Variants in CACNA2D2 observed in about 807,000 individuals in gnomAD.
The protein encoded by CACNA2D2 is voltage-dependent calcium channel subunit alpha-2/delta-2.
Under a neutral mutation model 166.4 loss-of-function variants are expected in CACNA2D2, and 48 were observed. The ratio of observed to expected loss-of-function variants is 0.29; its 90% CI spans 0.23 to 0.37. The LOEUF is 0.37. Among genes scored for constraint, CACNA2D2 ranks in the 10% least tolerant of loss-of-function variants. The pLI, the probability that CACNA2D2 is intolerant of heterozygous loss-of-function variation, is 1.00. For synonymous variants in CACNA2D2, 561 were observed against 573.7 expected (o/e 0.98, Z 0.32); for missense variants, 1,122 against 1,433.0 (o/e 0.78, Z 3.50).
At chr3:50,398,979 T>C (rs560391660) in intron 3 of CACNA2D2, among the ~76,000 whole-genome samples, 1 of 152,318 alleles carries the variant, frequency 6.6e-6, no homozygotes, top group Non-Finnish European at 1.5e-5. Context: ...CAGCTTTCAA[T>C]TGCAGTGGGA....
At chr3:50,495,236 G>A (rs536797332) in intron 1 of CACNA2D2, among the ~76,000 whole-genome samples, 1 of 152,196 alleles carries the variant, frequency 6.6e-6, no homozygotes, top group Non-Finnish European at 1.5e-5. Context: ...AGGGACGCAT[G>A]CAAAGCCCAT....
chr3:50,376,418 G>GCTGCT lies in CACNA2D2; in HGVS notation c.1627-235_1627-231dup, dbSNP rs1316937715. Among the ~76,000 whole-genome samples the GCTGCT allele has an allele frequency of 2.6e-5, 4 of 152,178 alleles. No individual in the cohort carries two copies. Among genetic ancestry groups the GCTGCT allele is most frequent in the Non-Finnish European group, 5.9e-5 (4 of 68,014 alleles). On this transcript the variant is annotated intron_variant, in intron 17 of 37. Coordinates refer to ENST00000424201, the MANE Select transcript of CACNA2D2 (RefSeq NM_006030.4). The surrounding 1 kb of genome is among the most constrained non-coding windows in gnomAD (Gnocchi z 4.3). ...GCCAAGGCTAACCGGCGTGTGGGCT[G>GCTGCT]CTGCTCTGCAGTCCTCATCCTCTCC...
intron 1 of CACNA2D2, among the ~76,000 whole-genome samples, chr3:50,490,980 TG>T (rs1470124592): frequency 1.3e-5 from 2 of 152,136 alleles, no homozygotes; most frequent in Middle Eastern, 3.2e-3. Context: ...GGGTCCTGCC[TG>T]GGGTTGGCAG....
At chr3:50,487,096 G>A (rs1042877378) in intron 1 of CACNA2D2, among the ~76,000 whole-genome samples, 2 of 152,240 alleles carry the variant, frequency 1.3e-5, no homozygotes, top group African/African-American at 4.8e-5. Flanking sequence ...TGGAAATGGT[G>A]CAACTTGCCC....
chr3:50,482,271 T>C (rs1431873719), intron 1 of CACNA2D2, among the ~76,000 whole-genome samples: 1 of 152,136 alleles, frequency 6.6e-6, no homozygotes, highest in East Asian at 1.9e-4. Flanking sequence ...AGTTCAAGGG[T>C]GCACTCCAGG....
chr3:50,500,723 G>A (rs1419497665), intron 1 of CACNA2D2, among the ~76,000 whole-genome samples: 3 of 151,838 alleles, frequency 2.0e-5, no homozygotes, highest in African/African-American at 7.3e-5. Context: ...TCTGATCCAG[G>A]TCCAGGTAAG....
chr3:50,434,099 A>G (rs1288761083), intron 3 of CACNA2D2, among the ~76,000 whole-genome samples: 1 of 152,130 alleles, frequency 6.6e-6, no homozygotes, highest in East Asian at 1.9e-4. Flanking sequence ...CAAGACTCCA[A>G]GTCACCACCT....
chr3:50,381,162 T>C (rs1231429929), intron 6 of CACNA2D2, 36 bp from the exon 7 acceptor site: 5 of 1,610,792 alleles, frequency 3.1e-6, no homozygotes. Flanking sequence ...GGGGAGCACC[T>C]GGGCTGTGTC....
intron 3 of CACNA2D2, among the ~76,000 whole-genome samples, chr3:50,410,672 C>T (rs1056630023): frequency 2.0e-5 from 3 of 152,246 alleles, no homozygotes; most frequent in South Asian, 2.1e-4. Flanking sequence ...AAGGCCACTC[C>T]GCTGCAGGAC....
At chr3:50,393,040 C>A (rs1057222868) in intron 4 of CACNA2D2, among the ~76,000 whole-genome samples, 14 of 152,116 alleles carry the variant, frequency 9.2e-5, no homozygotes, top group Non-Finnish European at 1.5e-5. Flanking sequence ...GGGATGGGGA[C>A]TGGGGAGGAG....
rs181442087 is a variant in CACNA2D2, at chr3:50,489,372, G to A, written c.207-13173C>T. 2.8e-3 allele frequency among the ~76,000 whole-genome samples: 425 copies of A among 152,252 alleles called. 5 individuals are homozygous for A. Among genetic ancestry groups the A allele is most frequent in the South Asian group, 0.017 (81 of 4,826 alleles). On this transcript the variant is annotated intron_variant, in intron 1 of 37. Coordinates refer to ENST00000424201, the MANE Select transcript of CACNA2D2 (RefSeq NM_006030.4). ...TCACCTGTGAAACATACTTCCCCCC[G>A]CGCTGGCTCAGGAACCGTGTAAATC...
intron 4 of CACNA2D2, among the ~76,000 whole-genome samples, chr3:50,391,785 C>G (rs181472056): frequency 1.6e-4 from 25 of 152,340 alleles, no homozygotes; most frequent in Non-Finnish European, 3.4e-4. Context: ...GAGGGCCACA[C>G]CCGGCTGATG....
intron 3 of CACNA2D2, among the ~76,000 whole-genome samples, chr3:50,410,480 T>TGGGGG (rs34908525): frequency 7.1e-6 from 1 of 141,364 alleles, no homozygotes; most frequent in African/African-American, 2.6e-5. Flanking sequence ...CTCCCTGGGA[T>TGGGGG]GGGGGGGGGG....
At position 50,365,915 on chromosome 3, in the gene CACNA2D2, AC is replaced by A; in HGVS notation, c.2863-54del. 1 of 1,612,090 alleles carries A rather than the reference AC, an allele frequency of 6.2e-7. No individual in the cohort carries two copies. The highest frequency in any genetic ancestry group is 8.5e-7 in the Non-Finnish European group (1 of 1,179,518). On this transcript the variant is annotated intron_variant, in intron 32 of 37. Transcript: ENST00000424201. This position sits in a 1 kb window ranked among gnomAD's most constrained non-coding sequence, Gnocchi z 4.5. Reference sequence around the variant, plus strand: ...CCACTGCTGCCCCTCGCCCTAGGTCACCCCCAGCTTTATCAAATGTCAGAGG... The same window carrying A: ...CCACTGCTGCCCCTCGCCCTAGGTCACCCCAGCTTTATCAAATGTCAGAGG...
chr3:50,451,117 C>T (rs1414059301), intron 2 of CACNA2D2, among the ~76,000 whole-genome samples: 1 of 152,110 alleles, frequency 6.6e-6, no homozygotes, highest in Non-Finnish European at 1.5e-5. Flanking sequence ...CACTTTTATC[C>T]CTCCCACCAG....
chr3:50,435,134 G>GGTGT (rs58208345), intron 2 of CACNA2D2, among the ~76,000 whole-genome samples: 28,395 of 149,672 alleles, frequency 0.19, 3,304 homozygotes, highest in East Asian at 0.41. Context: ...TAAATCTGAG[G>GGTGT]GTGTGTGTGT....
At chr3:50,484,076 A>AGATC (rs1461503165) in intron 1 of CACNA2D2, among the ~76,000 whole-genome samples, 5 of 152,024 alleles carry the variant, frequency 3.3e-5, no homozygotes, top group Non-Finnish European at 7.4e-5. Flanking sequence ...CGAGATCCTG[A>AGATC]CGGTCCCTTG....
intron 1 of CACNA2D2, among the ~76,000 whole-genome samples, chr3:50,484,967 GC>G (rs1698217491): frequency 6.6e-6 from 1 of 152,204 alleles, no homozygotes; most frequent in Non-Finnish European, 1.5e-5. Flanking sequence ...CCCAGGGCTG[GC>G]CCAGGAGGCC....
Position 50,380,713 on chromosome 3 carries a change from G to A in CACNA2D2, c.842+35C>T, listed in dbSNP as rs375719149. 9.1e-5 allele frequency: 133 copies of A among 1,464,868 alleles called. No individual in the cohort carries two copies. Among genetic ancestry groups the A allele is most frequent in the Non-Finnish European group, 1.1e-4 (124 of 1,100,160 alleles). 90.7% of individuals were successfully genotyped at this position (1,464,868 alleles called of 1,614,324 possible). A position where few individuals can be genotyped will look rare whatever the true frequency, so the allele number is the denominator to read the frequency against. On this transcript the variant is annotated intron_variant, in intron 8 of 37. Transcript: ENST00000424201. This position sits in a 1 kb window ranked among gnomAD's most constrained non-coding sequence, Gnocchi z 4.9. ...AGGCAGGAAAGGTGGGGAACTGAGG[G>A]GGTGTCCCTCCCCAGCCCCTTCTTG...
Sources: allele counts gnomAD v4.1 joint callset (sites outside exome capture counted in the v4.1 genomes callset), GRCh38; gene constraint gnomAD v4.1.1; non-coding constraint Gnocchi (gnomAD v3.1); transcripts MANE v1.5; gene names NCBI Gene and HGNC (gene_info 2026-07-23, HGNC 2026-07-21).